Variants in NCAM2 observed in about 807,000 individuals in gnomAD.
NCAM2 encodes the protein N-CAM-2.
In NCAM2, 30 loss-of-function variants were observed where a neutral mutation model predicts 98.1. The observed-to-expected ratio is 0.31, with a 90% CI of 0.23 to 0.41. The LOEUF (loss-of-function observed/expected upper bound fraction) is 0.41. NCAM2 is among the 10% of genes least tolerant of loss of function. The pLI is 1.00. For synonymous variants in NCAM2, 368 were observed against 342.4 expected (o/e 1.07, Z -0.83); for missense variants, 867 against 1,005.8 (o/e 0.86, Z 1.87).
At chr21:21,118,332 C>T (rs145557274) in intron 1 of NCAM2, among the ~76,000 whole-genome samples, 46 of 151,986 alleles carry the variant, frequency 3.0e-4, no homozygotes, top group Non-Finnish European at 5.7e-4. Flanking sequence ...AAAGATGCAG[C>T]GGGGGGGCAG....
intron 1 of NCAM2, among the ~76,000 whole-genome samples, chr21:21,052,754 A>G (rs2065137275): frequency 6.6e-6 from 1 of 152,192 alleles, no homozygotes. Flanking sequence ...TTTAGGCTCC[A>G]TCTGGGGTTT....
chr21:21,288,424 G>T (rs940529004), intron 4 of NCAM2, among the ~76,000 whole-genome samples: 1 of 151,678 alleles, frequency 6.6e-6, no homozygotes, highest in Admixed American at 6.6e-5. Context: ...CATGTGTTTA[G>T]GTTATATCTA....
At chr21:21,522,377 A>G (rs1257606665) in intron 16 of NCAM2, among the ~76,000 whole-genome samples, 1 of 150,488 alleles carries the variant, frequency 6.6e-6, no homozygotes, top group African/African-American at 2.4e-5. Flanking sequence ...GCCCTTACTG[A>G]TGGAGGAAAA....
Position 21,291,508 on chromosome 21 carries a change from C to A in NCAM2, c.482-596C>A, listed in dbSNP as rs566120539. Reference sequence around the variant, plus strand: ...ACACACACACACACACAAATGGAATCTTGAAATAAAATAACAAAATCTAAT... The same window carrying A: ...ACACACACACACACACAAATGGAATATTGAAATAAAATAACAAAATCTAAT... On this transcript the variant is annotated intron_variant, in intron 4 of 17. Transcript: ENST00000400546. Among the ~76,000 whole-genome samples, 11 of 151,626 alleles carry A rather than the reference C, an allele frequency of 7.3e-5. No homozygotes were observed. The South Asian group carries it at 2.3e-3, about 32-fold the overall frequency.
intron 1 of NCAM2, among the ~76,000 whole-genome samples, chr21:21,057,801 C>T (rs187292994): frequency 1.3e-5 from 2 of 152,078 alleles, no homozygotes; most frequent in Admixed American, 1.3e-4. Flanking sequence ...CTCCTAAAAG[C>T]TTCAGGCCTC....
chr21:21,154,372 T>C (rs2067544632), intron 1 of NCAM2, among the ~76,000 whole-genome samples: 1 of 151,746 alleles, frequency 6.6e-6, no homozygotes, highest in African/African-American at 2.4e-5. Context: ...TTTAGGGAAA[T>C]GGAATATGGA....
chr21:21,101,609 A>G (rs1013647360), intron 1 of NCAM2, among the ~76,000 whole-genome samples: 2 of 152,078 alleles, frequency 1.3e-5, no homozygotes, highest in African/African-American at 4.8e-5. Flanking sequence ...CAGTGGCCGT[A>G]CAGATAAAAA....
In NCAM2 at chr21:21,374,033, A is replaced by G. The variant is rs1308626331; in HGVS notation, c.1195+20A>G. On this transcript the variant is annotated intron_variant, in intron 9 of 17. Transcript: ENST00000400546. ...TTGAATGTAAGTTACTTTCCTTTGT[A>G]TTTTCATTAAAATAACTTTGCATGC... is the stretch of plus-strand genomic sequence containing the variant. 3 of 1,592,370 alleles carry G rather than the reference A, an allele frequency of 1.9e-6. No homozygotes were observed. Among genetic ancestry groups the G allele is most frequent in the Non-Finnish European group, 2.6e-6 (3 of 1,171,416 alleles).
chr21:21,504,345 C>T (rs1987834721), intron 15 of NCAM2, among the ~76,000 whole-genome samples: 1 of 151,554 alleles, frequency 6.6e-6, no homozygotes. Context: ...AAATTTACAC[C>T]ATAAGTCGTA....
intron 1 of NCAM2, among the ~76,000 whole-genome samples, chr21:21,117,590 C>T (rs1428308459): frequency 1.3e-5 from 2 of 152,060 alleles, no homozygotes; most frequent in African/African-American, 4.8e-5. Flanking sequence ...CTACAATTTG[C>T]AATAACATTA....
At chr21:21,301,792 G>T (rs1420500052) in intron 5 of NCAM2, among the ~76,000 whole-genome samples, 3 of 151,142 alleles carry the variant, frequency 2.0e-5, no homozygotes, top group Non-Finnish European at 4.4e-5. Context: ...CCATCAAAAA[G>T]TGGGCGAAGG....
intron 5 of NCAM2, among the ~76,000 whole-genome samples, chr21:21,322,117 T>C (rs149538341): frequency 4.6e-5 from 7 of 152,300 alleles, no homozygotes; most frequent in African/African-American, 9.6e-5. Flanking sequence ...CATGGACTAC[T>C]ACACTGCAAA....
intron 12 of NCAM2, among the ~76,000 whole-genome samples, chr21:21,458,303 C>G (rs938241240): frequency 6.6e-6 from 1 of 152,234 alleles, no homozygotes. Flanking sequence ...TCCACCAGGG[C>G]ACAATGTGCC....
chr21:21,163,528 CCA>C (rs1276796240), intron 1 of NCAM2, among the ~76,000 whole-genome samples: 2 of 151,962 alleles, frequency 1.3e-5, no homozygotes, highest in African/African-American at 4.8e-5. Context: ...CATTGAATTG[CCA>C]CAGTTTGTCT....
chr21:21,011,511 C>T (rs968032033), intron 1 of NCAM2, among the ~76,000 whole-genome samples: 10 of 151,972 alleles, frequency 6.6e-5, no homozygotes, highest in Non-Finnish European at 1.3e-4. Flanking sequence ...TTTTGACGTA[C>T]GTATGTATTG....
At chr21:21,128,929 T>C (rs2066881751) in intron 1 of NCAM2, among the ~76,000 whole-genome samples, 2 of 152,148 alleles carry the variant, frequency 1.3e-5, no homozygotes, top group Non-Finnish European at 2.9e-5. Flanking sequence ...TAGAAGATAT[T>C]GTGGGGACCA....
intron 1 of NCAM2, among the ~76,000 whole-genome samples, chr21:21,186,596 T>G (rs1799452319): frequency 6.6e-6 from 1 of 152,132 alleles, no homozygotes; most frequent in Admixed American, 6.5e-5. Context: ...AGAAATTAAA[T>G]CATGTAAGTG....
intron 10 of NCAM2, among the ~76,000 whole-genome samples, chr21:21,411,305 T>C (rs2145922393): frequency 6.7e-6 from 1 of 149,304 alleles, no homozygotes; most frequent in East Asian, 2.0e-4. Context: ...TCAATGTTGA[T>C]GTTTTCATTG....
intron 5 of NCAM2, among the ~76,000 whole-genome samples, chr21:21,314,907 A>G (rs1185405240): frequency 2.0e-5 from 3 of 152,196 alleles, no homozygotes; most frequent in Non-Finnish European, 4.4e-5. Flanking sequence ...TTGCTTTAAA[A>G]TAGCTTTTAG....
Sources: allele counts gnomAD v4.1 joint callset (sites outside exome capture counted in the v4.1 genomes callset), GRCh38; gene constraint gnomAD v4.1.1; transcripts MANE v1.5; gene names NCBI Gene and HGNC (gene_info 2026-07-23, HGNC 2026-07-21).